Variants in FGF12 observed in about 807,000 individuals in gnomAD.
FGF12 encodes fibroblast growth factor 12, also known as fibroblast growth factor 12B.
In FGF12, 14 loss-of-function variants were observed where a neutral mutation model predicts 23.6. The ratio of observed to expected loss-of-function variants is 0.59; its 90% CI spans 0.39 to 0.93. The LOEUF (loss-of-function observed/expected upper bound fraction) is 0.93, where lower values mean the gene tolerates loss of function less well. Among genes scored for constraint, FGF12 ranks in the 40% least tolerant of loss-of-function variants. FGF12 has a pLI of 0.00. For synonymous variants in FGF12, 62 were observed against 77.3 expected (o/e 0.80, Z 1.04); for missense variants, 175 against 217.8 (o/e 0.80, Z 1.24).
intron 2 of FGF12, among the ~76,000 whole-genome samples, chr3:192,394,015 TTAC>T (rs759413442): frequency 3.9e-5 from 6 of 152,188 alleles, no homozygotes; most frequent in Non-Finnish European, 8.8e-5. Flanking sequence ...ATCCTATACT[TTAC>T]TACATTTCTA....
At chr3:192,144,203 T>G in intron 5 of FGF12, 76 bp from the exon 6 acceptor site, 2 of 823,836 alleles carry the variant, frequency 2.4e-6, no homozygotes, top group Non-Finnish European at 4.0e-6. Flanking sequence ...AAATTTGATT[T>G]TACAATATTC....
chr3:192,338,288 T>C (rs1717516225), intron 3 of FGF12, among the ~76,000 whole-genome samples: 1 of 152,210 alleles, frequency 6.6e-6, no homozygotes, highest in Non-Finnish European at 1.5e-5. Flanking sequence ...TTTCACTGTG[T>C]TGGCCAGGCT....
intron 5 of FGF12, among the ~76,000 whole-genome samples, chr3:192,167,794 G>A (rs1392238016): frequency 2.7e-5 from 1 of 37,532 alleles, no homozygotes; most frequent in Non-Finnish European, 4.5e-5. Context: ...TTTTTTTTTT[G>A]AGAAAGAATC....
In FGF12 at chr3:192,727,308, C is replaced by T. The variant is rs572664704; in HGVS notation, c.-115G>A. On this transcript the variant is annotated 5_prime_UTR_variant, in exon 2 of 6. Coordinates refer to ENST00000445105, the MANE Select transcript of FGF12 (RefSeq NM_004113.6). ...TGATGATTTCGCCCGTACTTCCTTCCTTCCCCTCAGGCTTCCTGAAAGATG... is the reference window on the plus strand; with the variant it reads ...TGATGATTTCGCCCGTACTTCCTTCTTTCCCCTCAGGCTTCCTGAAAGATG... The T allele has an allele frequency of 1.2e-5, 19 of 1,551,312 alleles. No homozygotes were observed. In the South Asian group the frequency reaches 2.0e-4, roughly 17 times the overall value.
chr3:192,647,624 T>C (rs1716051600), intron 2 of FGF12, among the ~76,000 whole-genome samples: 1 of 151,182 alleles, frequency 6.6e-6, no homozygotes, highest in African/African-American at 2.4e-5. Flanking sequence ...CATATCAACC[T>C]GGGGAACATA....
At chr3:192,627,073 A>G (rs1309211774) in intron 2 of FGF12, among the ~76,000 whole-genome samples, 2 of 152,196 alleles carry the variant, frequency 1.3e-5, no homozygotes, top group Admixed American at 6.5e-5. Context: ...TGGAAGAGCT[A>G]TAATCATTTA....
intron 5 of FGF12, among the ~76,000 whole-genome samples, chr3:192,144,720 T>C (rs1269515967): frequency 6.6e-6 from 1 of 152,234 alleles, no homozygotes; most frequent in African/African-American, 2.4e-5. Flanking sequence ...AACGTGATTA[T>C]GCAAGCATGA....
intron 4 of FGF12, among the ~76,000 whole-genome samples, chr3:192,179,071 C>T (rs564685312): frequency 5.9e-5 from 9 of 152,142 alleles, no homozygotes; most frequent in Admixed American, 3.9e-4. Context: ...TCTGTTGTCA[C>T]GCATAATGAT....
At chr3:192,696,222 A>G (rs1718119860) in intron 2 of FGF12, among the ~76,000 whole-genome samples, 1 of 151,098 alleles carries the variant, frequency 6.6e-6, no homozygotes, top group Non-Finnish European at 1.5e-5. Context: ...ACCCACCAGT[A>G]TGTTCCAGCT....
At chr3:192,301,476 C>T (rs757719575) in intron 4 of FGF12, among the ~76,000 whole-genome samples, 1 of 152,200 alleles carries the variant, frequency 6.6e-6, no homozygotes, top group Non-Finnish European at 1.5e-5. Flanking sequence ...GGTATAGAAA[C>T]ACCACAAATG....
chr3:192,620,149 C>T (rs1166013877), intron 2 of FGF12, among the ~76,000 whole-genome samples: 1 of 152,074 alleles, frequency 6.6e-6, no homozygotes, highest in Non-Finnish European at 1.5e-5. Flanking sequence ...CACTCTCATC[C>T]TCCTCATCGA....
At chr3:192,594,583 C>G (rs1577070231) in intron 2 of FGF12, among the ~76,000 whole-genome samples, 1 of 151,848 alleles carries the variant, frequency 6.6e-6, no homozygotes, top group African/African-American at 2.4e-5. Context: ...ACGTTGATGG[C>G]TTTTGGAGAT....
chr3:192,463,951 C>G (rs1386010268), intron 2 of FGF12, among the ~76,000 whole-genome samples: 2 of 152,164 alleles, frequency 1.3e-5, no homozygotes, highest in African/African-American at 2.4e-5. Flanking sequence ...TGGTGAAGCT[C>G]TCCAACCTTG....
At chr3:192,247,999 T>G (rs1711741389) in intron 4 of FGF12, among the ~76,000 whole-genome samples, 1 of 152,226 alleles carries the variant, frequency 6.6e-6, no homozygotes, top group Admixed American at 6.5e-5. Flanking sequence ...GACTTTCTTA[T>G]TTTATTCTCT....
In FGF12 at chr3:192,539,866, T is replaced by C. The variant is rs191978778; in HGVS notation, c.14-179328A>G. 2.2e-3 allele frequency among the ~76,000 whole-genome samples: 339 copies of C among 152,226 alleles called. 1 individual carries two copies. The highest frequency in any genetic ancestry group is 3.5e-3 in the Non-Finnish European group (238 of 67,974). ...TCCAGTTTTGGATTTTTTTTCATGT[T>C]TCAATCTTGGTGGGTTATATGCATC... On this transcript the variant is annotated intron_variant, in intron 2 of 5. Transcript: ENST00000445105.
chr3:192,558,667 A>C lies in FGF12; in HGVS notation c.13+168514T>G, dbSNP rs549038556. On this transcript the variant is annotated intron_variant, in intron 2 of 5. Transcript: ENST00000445105. ...CAAAATGATTTGAGAGAGAAGAATA[A>C]AGCTGGAAGCTTCATACTTCCTGAC... 6.6e-5 allele frequency among the ~76,000 whole-genome samples: 10 copies of C among 152,066 alleles called. 1 individual carries two copies. The highest frequency in any genetic ancestry group is 2.4e-4 in the African/African-American group (10 of 41,560).
chr3:192,307,385 G>C (rs1715702441), intron 4 of FGF12, among the ~76,000 whole-genome samples: 1 of 152,150 alleles, frequency 6.6e-6, no homozygotes, highest in South Asian at 2.1e-4. Flanking sequence ...TAATATCAGA[G>C]ATAGCAGCAA....
chr3:192,207,587 G>T (rs1473862368), intron 4 of FGF12, among the ~76,000 whole-genome samples: 1 of 152,208 alleles, frequency 6.6e-6, no homozygotes, highest in Non-Finnish European at 1.5e-5. Flanking sequence ...CATATGGCAT[G>T]TAGGGGGAAT....
chr3:192,434,245 G>A (rs1721948542), intron 2 of FGF12, among the ~76,000 whole-genome samples: 1 of 152,198 alleles, frequency 6.6e-6, no homozygotes, highest in Non-Finnish European at 1.5e-5. Flanking sequence ...AGGAAAGTGA[G>A]GAACTGATGA....
Sources: allele counts gnomAD v4.1 joint callset (sites outside exome capture counted in the v4.1 genomes callset), GRCh38; gene constraint gnomAD v4.1.1; transcripts MANE v1.5; gene names NCBI Gene and HGNC (gene_info 2026-07-23, HGNC 2026-07-21).